Variants in KASH5 observed in about 807,000 individuals in gnomAD.
The protein encoded by KASH5 is protein KASH5.
In KASH5, 72 loss-of-function variants were observed where a neutral mutation model predicts 84.2. That is an observed-to-expected ratio of 0.85 (90% CI 0.71 to 1.04). KASH5 has a LOEUF of 1.04. Among genes scored for constraint, KASH5 ranks in the 50% least tolerant of loss-of-function variants. KASH5 has a pLI of 0.00. For synonymous variants in KASH5, 260 were observed against 279.1 expected (o/e 0.93, Z 0.68); for missense variants, 650 against 701.0 (o/e 0.93, Z 0.82).
Position 49,399,338 on chromosome 19 carries a change from C to A in KASH5, c.748-119C>A. ...TGACAAAGGAGACAGCAGGAGCCAT[C>A]AGGGCTTCCCAGACCCATTCCCCCA... On this transcript the variant is annotated intron_variant, in intron 8 of 19. Transcript: ENST00000447857. This position sits in a 1 kb window ranked among gnomAD's most constrained non-coding sequence, Gnocchi z 4.4. 1 of 1,075,020 alleles carries A rather than the reference C, an allele frequency of 9.3e-7. No individual in the cohort carries two copies. The highest frequency in any genetic ancestry group is 1.4e-6 in the Non-Finnish European group (1 of 731,490). 66.6% of individuals were successfully genotyped at this position (1,075,020 alleles called of 1,614,324 possible).
chr19:49,409,323 G>A (rs1204920624), intron 14 of KASH5, 40 bp downstream of exon 14: 1 of 1,593,210 alleles, frequency 6.3e-7, no homozygotes, highest in Non-Finnish European at 8.6e-7. Context: ...AGGCCACCAA[G>A]GCAGAATCTC....
intron 2 of KASH5, among the ~76,000 whole-genome samples, chr19:49,391,456 G>A (rs528255609): frequency 5.1e-4 from 78 of 152,274 alleles, no homozygotes; most frequent in African/African-American, 1.8e-3. Context: ...AAAGGAACAG[G>A]TGAAATGAAT....
At position 49,417,323 on chromosome 19, in the gene KASH5, G is replaced by A. The variant is rs371153650; in HGVS notation, c.1548-46G>A. On this transcript the variant is annotated intron_variant, in intron 19 of 19. Transcript: ENST00000447857. The surrounding 1 kb of genome is among the most constrained non-coding windows in gnomAD (Gnocchi z 5.2). ...GGTGGTCTGACATTGGGAAGAGCAGGGGCTGCCCAGACCCTGCCCTAAATG... is the reference window on the plus strand; with the variant it reads ...GGTGGTCTGACATTGGGAAGAGCAGAGGCTGCCCAGACCCTGCCCTAAATG... 1 of 1,572,500 alleles carries A rather than the reference G, an allele frequency of 6.4e-7. No homozygotes were observed. Among genetic ancestry groups the A allele is most frequent in the Non-Finnish European group, 8.6e-7 (1 of 1,158,336 alleles).
chr19:49,413,508 C>A (rs1441050031), intron 16 of KASH5, among the ~76,000 whole-genome samples: 1 of 152,150 alleles, frequency 6.6e-6, no homozygotes, highest in Non-Finnish European at 1.5e-5. Flanking sequence ...GTGTTGCTTC[C>A]CTCTCCCCCT....
chr19:49,395,354 G>A lies in KASH5; in HGVS notation c.335+62G>A. On this transcript the variant is annotated intron_variant, in intron 4 of 19. Transcript: ENST00000447857. This position sits in a 1 kb window ranked among gnomAD's most constrained non-coding sequence, Gnocchi z 4.4. ...CTTCCTAAGATCTAACCTCATACCTGCTTACTGGAGCCAGCATCCTTTAGG... is the reference window on the plus strand; with the variant it reads ...CTTCCTAAGATCTAACCTCATACCTACTTACTGGAGCCAGCATCCTTTAGG... 5 of 1,535,746 alleles carry A rather than the reference G, an allele frequency of 3.3e-6. No homozygotes were observed. The highest frequency in any genetic ancestry group is 3.5e-6 in the Non-Finnish European group (4 of 1,128,024).
In KASH5 at chr19:49,399,065, G is replaced by T. The variant is rs1249668613; in HGVS notation, c.670G>T (p.Glu224Ter). The change falls in exon 8 of 20, where the codon GAG (glutamate) becomes TAG (stop). Residue 224 changes from glutamate (E) to a stop codon, truncating the protein, a stop_gained. Coordinates refer to ENST00000447857, the MANE Select transcript of KASH5 (RefSeq NM_144688.5). LOFTEE classifies it high-confidence loss of function. The surrounding 1 kb of genome is among the most constrained non-coding windows in gnomAD (Gnocchi z 4.4). ...GCAGTTTGCCAAGGCCATGGATGAG[G>T]AGCTGGAGGACCTGAAGACTCTGGC... is the stretch of plus-strand genomic sequence containing the variant. ...ALQFAKAMDE[E>*]LEDLKTLARS... is the part of the protein sequence containing the mutation. 2 of 1,551,702 alleles carry T rather than the reference G, an allele frequency of 1.3e-6. No homozygotes were observed. The highest frequency in any genetic ancestry group is 1.7e-6 in the Non-Finnish European group (2 of 1,146,994).
rs1466632548 is a variant in KASH5, at chr19:49,414,639, G to A, written c.1329-312G>A. Among the ~76,000 whole-genome samples the A allele has an allele frequency of 6.6e-6, 1 of 151,946 alleles. No individual in the cohort carries two copies. Among genetic ancestry groups the A allele is most frequent in the South Asian group, 2.1e-4 (1 of 4,816 alleles). On this transcript the variant is annotated intron_variant, in intron 16 of 19. Transcript: ENST00000447857. The surrounding 1 kb of genome is among the most constrained non-coding windows in gnomAD (Gnocchi z 4.5). ...GTTCACAGACCCTTTGGGTAATTTG[G>A]TGAAAATTCCTGTGAAAAATACATA...
rs771132124 is a variant in KASH5, at chr19:49,394,534, G to A, written c.102G>A (p.Glu34=). The change falls in exon 3 of 20, where the codon GAG becomes GAA. Residue 34 remains glutamate, a synonymous_variant. Transcript: ENST00000447857. ...TGGGAATGCCGGTCAGCTTGGAGGA[G>A]CAAATACTCAACTCCACGTTCGAAG... ...ARLGMPVSLE[E]QILNSTFEAC... is the part of the protein sequence containing the mutation. 1.7e-5 allele frequency: 28 copies of A among 1,613,818 alleles called. No homozygotes were observed. The highest frequency in any genetic ancestry group is 2.3e-5 in the Non-Finnish European group (27 of 1,179,880).
Position 49,416,885 on chromosome 19 carries a change from A to C in KASH5, c.1375-130A>C. On this transcript the variant is annotated intron_variant, in intron 17 of 19. Coordinates refer to ENST00000447857, the MANE Select transcript of KASH5 (RefSeq NM_144688.5). This position sits in a 1 kb window ranked among gnomAD's most constrained non-coding sequence, Gnocchi z 5.4. ...GGCAGAAATGGGAACCCGACCTGGC[A>C]GCAGAAGTGCACTCACTTATCTCCT... The C allele has an allele frequency of 1.0e-5, 9 of 886,054 alleles. No individual in the cohort carries two copies. Among genetic ancestry groups the C allele is most frequent in the Non-Finnish European group, 1.6e-5 (9 of 558,356 alleles). The allele number at this position is 886,054 out of a possible 1,614,324, so 54.9% of individuals were successfully genotyped here.
At position 49,400,353 on chromosome 19, in the gene KASH5, CTTTTTTTTTTTTTTCTTTTT is replaced by C. The variant is rs759199574; in HGVS notation, c.798+856_798+875del. Among the ~76,000 whole-genome samples, 789 of 124,220 alleles carry C rather than the reference CTTTTTTTTTTTTTTCTTTTT, an allele frequency of 6.4e-3. 7 individuals carry two copies. Among genetic ancestry groups the C allele is most frequent in the Middle Eastern group, 0.013 (3 of 240 alleles). The allele number at this position is 124,220 out of a possible 152,430, so 81.5% of individuals were successfully genotyped here. ...CTTCTCAAGCCTTTACTTTTAGTTT[CTTTTTTTTTTTTTTCTTTTT>C]TTTTTTTTTGAGACAGAGTTTCATT... On this transcript the variant is annotated intron_variant, in intron 9 of 19. Transcript: ENST00000447857.
chr19:49,399,735 A>ATT lies in KASH5; in HGVS notation c.798+229_798+230insTT, dbSNP rs1369095984. 3.1e-6 allele frequency: 4 copies of ATT among 1,280,748 alleles called. No individual in the cohort carries two copies. Among genetic ancestry groups the ATT allele is most frequent in the Non-Finnish European group, 4.2e-6 (4 of 963,696 alleles). The allele number at this position is 1,280,748 out of a possible 1,614,324, so 79.3% of individuals were successfully genotyped here. A position where few individuals can be genotyped will look rare whatever the true frequency, so the allele number is the denominator to read the frequency against. On this transcript the variant is annotated intron_variant, in intron 9 of 19. Transcript: ENST00000447857. This position sits in a 1 kb window ranked among gnomAD's most constrained non-coding sequence, Gnocchi z 4.4. ...ATGGCTTCAGGCTGAGGCCACCTAC[A>ATT]TAAGAGTGGACCAGTGCCTCCCTTC...
chr19:49,398,249 T>C (rs1974249935), intron 7 of KASH5, 106 bp downstream of exon 7: 1 of 916,492 alleles, frequency 1.1e-6, no homozygotes, highest in Middle Eastern at 3.5e-4. Flanking sequence ...GCTCTTTGAC[T>C]CTGTACCTGT....
chr19:49,407,060 C>A, intron 10 of KASH5, 97 bp downstream of exon 10: 1 of 1,342,120 alleles, frequency 7.5e-7, no homozygotes, highest in South Asian at 1.3e-5. Flanking sequence ...AGGGCAGGGT[C>A]TTCCATCAAG....
rs996869846 is a variant in KASH5, at chr19:49,412,944, G to A, written c.1270-24G>A. On this transcript the variant is annotated intron_variant, in intron 15 of 19. Coordinates refer to ENST00000447857, the MANE Select transcript of KASH5 (RefSeq NM_144688.5). This position sits in a 1 kb window ranked among gnomAD's most constrained non-coding sequence, Gnocchi z 4.6. ...GCTTTGAGTGAGAAGAATCAGAGAA[G>A]AACTAACCTTTTTGTTTCCACAGAG... The A allele has an allele frequency of 6.2e-7, 1 of 1,613,218 alleles. No individual in the cohort carries two copies. Among genetic ancestry groups the A allele is most frequent in the Non-Finnish European group, 8.5e-7 (1 of 1,179,402 alleles).
chr19:49,391,604 G>GT (rs907324934), intron 2 of KASH5: 19 of 152,118 alleles, frequency 1.2e-4, no homozygotes, highest in African/African-American at 4.6e-4. Flanking sequence ...CAGATAATCT[G>GT]TTTTTTTCAT....
At position 49,395,830 on chromosome 19, in the gene KASH5, T is replaced by G. The variant is rs987577343; in HGVS notation, c.397T>G (p.Ser133Ala). 3 of 1,558,106 alleles carry G rather than the reference T, an allele frequency of 1.9e-6. No homozygotes were observed. Among genetic ancestry groups the G allele is most frequent in the Non-Finnish European group, 2.6e-6 (3 of 1,150,894 alleles). The change falls in exon 5 of 20, where the codon TCT becomes GCT. Residue 133 changes from serine to alanine, a missense_variant. Transcript: ENST00000447857. This position sits in a 1 kb window ranked among gnomAD's most constrained non-coding sequence, Gnocchi z 4.4. ...AGCCCTGACCTCCCGGCAACTGCCA[T>G]CTGGTGAGATTGCTATATATAGAAT... is the stretch of plus-strand genomic sequence containing the variant. ...QGALTSRQLP[S>A]GCPEAEEPAN...
rs1412656646 is a variant in KASH5 at position 49,412,308 on chromosome 19, G to A, written c.1270-660G>A. On this transcript the variant is annotated intron_variant, in intron 15 of 19. Coordinates refer to ENST00000447857, the MANE Select transcript of KASH5 (RefSeq NM_144688.5). This position sits in a 1 kb window ranked among gnomAD's most constrained non-coding sequence, Gnocchi z 4.6. ...GGAAAAGGGACAGACAGACATAATTGGGGTGGAGGGACAGAGCAGGGGTCA... is the reference window on the plus strand; with the variant it reads ...GGAAAAGGGACAGACAGACATAATTAGGGTGGAGGGACAGAGCAGGGGTCA... Among the ~76,000 whole-genome samples the A allele has an allele frequency of 1.3e-5, 2 of 151,986 alleles. No individual in the cohort carries two copies. Among genetic ancestry groups the A allele is most frequent in the African/African-American group, 4.8e-5 (2 of 41,364 alleles).
In KASH5 at chr19:49,407,566, C is replaced by A. The variant is rs1166986480; in HGVS notation, c.934-46C>A. 3 of 1,539,402 alleles carry A rather than the reference C, an allele frequency of 1.9e-6. No individual in the cohort carries two copies. In the Admixed American group the frequency reaches 5.8e-5, roughly 30 times the overall value. ...CCCCCGCCACCACCACCCCCAGTGT[C>A]TTTGGGGAACTGGTCCCAGTCTCAT... On this transcript the variant is annotated intron_variant, in intron 11 of 19. Coordinates refer to ENST00000447857, the MANE Select transcript of KASH5 (RefSeq NM_144688.5).
chr19:49,394,280 T>C (rs1463706108), intron 2 of KASH5, among the ~76,000 whole-genome samples, 196 bp from the exon 3 acceptor site: 1 of 152,084 alleles, frequency 6.6e-6, no homozygotes, highest in Non-Finnish European at 1.5e-5. Flanking sequence ...GTTTGAAAGA[T>C]GGGGGGAAGT....
Sources: gnomAD v4.1 joint callset for allele counts (sites outside exome capture counted in the v4.1 genomes callset) on GRCh38, gnomAD v4.1.1 for gene constraint, Gnocchi (gnomAD v3.1) non-coding constraint, MANE v1.5 for transcripts, NCBI Gene and HGNC (gene_info 2026-07-23, HGNC 2026-07-21) for gene names.